The following HMOX2 variants were observed in gnomAD, a reference collection of about 807,000 sequenced individuals.
HMOX2 encodes the protein heme oxygenase (decycling) 2.
In HMOX2, 30 loss-of-function variants were observed where a neutral mutation model predicts 33.7. The observed-to-expected ratio is 0.89, with a 90% confidence interval of 0.67 to 1.21. HMOX2 has a LOEUF of 1.21. HMOX2 is among the 50% of genes most tolerant of loss of function. The pLI is 0.00. For missense variants in HMOX2, 403 were observed against 399.1 expected (o/e 1.01, Z -0.08); for synonymous variants, 155 against 155.0 (o/e 1.00, Z 0.00).
intron 1 of HMOX2, among the ~76,000 whole-genome samples, chr16:4,482,875 A>T (rs2058065752): frequency 6.6e-6 from 1 of 152,002 alleles, no homozygotes. Flanking sequence ...TAAAAATACA[A>T]AAAAATTAGC....
chr16:4,493,911 A>C (rs965108059), intron 1 of HMOX2, among the ~76,000 whole-genome samples: 2 of 152,260 alleles, frequency 1.3e-5, no homozygotes, highest in African/African-American at 2.4e-5. Context: ...TTAAATATTT[A>C]TCTAAATTAA....
At chr16:4,481,524 A>G (rs961061686) in intron 1 of HMOX2, among the ~76,000 whole-genome samples, 45 of 152,260 alleles carry the variant, frequency 3.0e-4, no homozygotes, top group East Asian at 1.7e-3. Flanking sequence ...GGAACAGGGT[A>G]TTTGAAATCA....
intron 1 of HMOX2, among the ~76,000 whole-genome samples, chr16:4,497,672 G>A (rs2058455534): frequency 6.6e-6 from 1 of 152,124 alleles, no homozygotes; most frequent in South Asian, 2.1e-4. Flanking sequence ...ATTTGAACAT[G>A]GCTAGAGATG....
chr16:4,504,354 ATTTTTTTTTTTT>A (rs34314976), intron 1 of HMOX2, among the ~76,000 whole-genome samples: 5 of 72,886 alleles, frequency 6.9e-5, no homozygotes, highest in African/African-American at 2.1e-4. Context: ...GTAACTTTCA[ATTTTTTTTTTTT>A]TTTTTTTTTT....
At chr16:4,495,274 C>T (rs1316720154) in intron 1 of HMOX2, among the ~76,000 whole-genome samples, 1 of 152,162 alleles carries the variant, frequency 6.6e-6, no homozygotes. Context: ...AGATTCCATT[C>T]CCCTTACCAC....
upstream of HMOX2, chr16:4,476,265 C>CTGG (rs1283153841): frequency 6.6e-6 from 1 of 152,332 alleles, no homozygotes; most frequent in Non-Finnish European, 1.5e-5. Flanking sequence ...AGCCTGCAAC[C>CTGG]TCCAGAGACC....
chr16:4,509,534 C>T lies in HMOX2; in HGVS notation c.819C>T (p.Asp273=). Residue 273 remains aspartate (D), a synonymous_variant, in exon 5 of 6, where the codon GAC becomes GAT. Transcript: ENST00000570646. ...GCCCTTTCTACGCTGCTGAACAAGA[C>T]AAAGGTAGGTCTGTGTGTCCTGAGC... The part of the protein sequence containing the change: ...RKCPFYAAEQ[D]KGALEGSSCP... 1 of 1,614,132 alleles carries T rather than the reference C, an allele frequency of 6.2e-7. No homozygotes were observed. The highest frequency in any genetic ancestry group is 8.5e-7 in the Non-Finnish European group (1 of 1,180,020).
intron 1 of HMOX2, among the ~76,000 whole-genome samples, chr16:4,494,294 C>A (rs572263005): frequency 6.8e-6 from 1 of 147,370 alleles, no homozygotes; most frequent in African/African-American, 2.5e-5. Context: ...CCAGTCTGGG[C>A]GACAGAGTGA....
At chr16:4,504,758 C>T (rs7404191) in intron 1 of HMOX2, among the ~76,000 whole-genome samples, 79,701 of 143,064 alleles carry the variant, frequency 0.56, 24,834 homozygotes, top group Non-Finnish European at 0.7. Context: ...GGCGTGATCT[C>T]GGCTCACTGC....
chr16:4,498,960 C>G (rs2058491092), intron 1 of HMOX2, among the ~76,000 whole-genome samples: 1 of 152,178 alleles, frequency 6.6e-6, no homozygotes, highest in Non-Finnish European at 1.5e-5. Context: ...TGTGGCTCAG[C>G]CAATCTCCAG....
intron 4 of HMOX2, 47 bp from the exon 5 acceptor site, chr16:4,509,365 A>AG: frequency 6.3e-7 from 1 of 1,576,956 alleles, no homozygotes; most frequent in Non-Finnish European, 8.6e-7. Flanking sequence ...AAAAAAAAAA[A>AG]GTATGGGCAG....
intron 1 of HMOX2, among the ~76,000 whole-genome samples, chr16:4,492,164 C>G (rs2058320740): frequency 6.6e-6 from 1 of 151,916 alleles, no homozygotes; most frequent in Non-Finnish European, 1.5e-5. Context: ...TAGTGAGACC[C>G]TATGTCTACA....
chr16:4,503,830 C>G (rs997282065), intron 1 of HMOX2, among the ~76,000 whole-genome samples: 1 of 152,228 alleles, frequency 6.6e-6, no homozygotes, highest in African/African-American at 2.4e-5. Flanking sequence ...CTTAACACTT[C>G]TGTGTTCTTC....
intron 1 of HMOX2, among the ~76,000 whole-genome samples, chr16:4,478,398 C>G (rs1197736831): frequency 6.6e-6 from 1 of 152,158 alleles, no homozygotes; most frequent in Non-Finnish European, 1.5e-5. Flanking sequence ...TTGGGCTCTA[C>G]ATCAGGATTG....
intron 1 of HMOX2, among the ~76,000 whole-genome samples, chr16:4,498,362 G>A (rs940502663): frequency 4.6e-5 from 7 of 151,080 alleles, no homozygotes; most frequent in South Asian, 2.1e-4. Context: ...CACCACACCC[G>A]GCTGGATTCA....
At chr16:4,494,620 T>G (rs143093280) in intron 1 of HMOX2, among the ~76,000 whole-genome samples, 149 of 152,266 alleles carry the variant, frequency 9.8e-4, no homozygotes, top group African/African-American at 3.3e-3. Flanking sequence ...GGCTCATGCT[T>G]GTATTCCCAG....
chr16:4,503,717 G>A (rs2058617067), intron 1 of HMOX2, among the ~76,000 whole-genome samples: 1 of 152,298 alleles, frequency 6.6e-6, no homozygotes, highest in Non-Finnish European at 1.5e-5. Context: ...ACCTCAGTGA[G>A]CAAACCATGT....
chr16:4,489,650 G>A (rs1421643429), intron 1 of HMOX2, among the ~76,000 whole-genome samples: 1 of 152,016 alleles, frequency 6.6e-6, no homozygotes, highest in East Asian at 1.9e-4. Flanking sequence ...GTAGAGATGG[G>A]GTTTCACCAT....
chr16:4,475,672 G>A (rs946613622), upstream of HMOX2, among the ~76,000 whole-genome samples: 29 of 151,882 alleles, frequency 1.9e-4, no homozygotes, highest in Non-Finnish European at 1.3e-4. Flanking sequence ...GGCTGGGTGC[G>A]GTGGCCTGTA....
Sources: allele counts gnomAD v4.1 joint callset (sites outside exome capture counted in the v4.1 genomes callset), GRCh38; gene constraint gnomAD v4.1.1; transcripts MANE v1.5; gene names NCBI Gene and HGNC (gene_info 2026-07-23, HGNC 2026-07-21).